Variants in KMT2B observed in about 807,000 individuals in gnomAD.
The protein encoded by KMT2B is lysine methyltransferase 2B.
A neutral mutation model predicts 255.3 loss-of-function variants in KMT2B; 22 were observed. That is an observed-to-expected ratio of 0.09 (90% confidence interval 0.06 to 0.12). The LOEUF is 0.12. KMT2B is among the 10% of genes least tolerant of loss of function. The pLI, the probability that KMT2B is intolerant of heterozygous loss-of-function variation, is 1.00. For synonymous variants in KMT2B, 1,730 were observed against 1,498.1 expected, an observed-to-expected ratio of 1.15 and a Z score of -3.57; for missense variants, 3,149 against 3,737.0, an observed-to-expected ratio of 0.84 and a Z score of 4.10.
rs373355746 is a variant in KMT2B, at chr19:35,732,272, C to G, written c.5723C>G (p.Ala1908Gly). ...IPTVGDPDFP[A>G]PPRRSRRPSP... ...ACAGTGGGAGACCCGGACTTCCCAG[C>G]TCCCCCCAGACGTTCCCGTCGTCCC... The change falls in exon 28 of 37, where the codon GCT (alanine) becomes GGT (glycine). Residue 1908 changes from alanine (A) to glycine (G), a missense_variant. Ala to Gly is a moderately conservative substitution (Grantham distance 60). This residue lies in a region of KMT2B where 897 missense variants were observed against 825.3 expected (regional missense o/e 1.09). Transcript: ENST00000420124. The G allele has an allele frequency of 2.3e-4, 375 of 1,609,352 alleles. 1 individual carries two copies. The highest frequency in any genetic ancestry group is 1.6e-4 in the Middle Eastern group (1 of 6,070).
chr19:35,723,865 C>G lies in KMT2B; in HGVS notation c.3192C>G (p.Pro1064=), dbSNP rs1969318291. 3 of 1,607,376 alleles carry G rather than the reference C, an allele frequency of 1.9e-6. No individual in the cohort carries two copies. Among genetic ancestry groups the G allele is most frequent in the South Asian group, 2.2e-5 (2 of 90,338 alleles). The change falls in exon 8 of 37, where the codon CCC becomes CCG. Residue 1064 remains proline, a synonymous_variant. Coordinates refer to ENST00000420124, the MANE Select transcript of KMT2B (RefSeq NM_014727.3). The surrounding 1 kb of genome is among the most constrained non-coding windows in gnomAD (Gnocchi z 7.5). ...PREEVVAHPG[P]EEQDSLLQRK... is the part of the protein sequence containing the mutation. The stretch of plus-strand genomic sequence containing the variant: ...AGGAGGTGGTGGCCCACCCAGGGCC[C>G]GAGGAGCAGGACTCCCTCCTGCAGC...
chr19:35,719,407 A>G, intron 1 of KMT2B, 62 bp from the exon 2 acceptor site: 1 of 1,214,270 alleles, frequency 8.2e-7, no homozygotes. Context: ...GATACCTCAG[A>G]TGGAACGAGG....
chr19:35,738,787 T>G lies in KMT2B; in HGVS notation c.*230T>G. The G allele has an allele frequency of 3.5e-6, 2 of 566,938 alleles. No individual in the cohort carries two copies. Among genetic ancestry groups the G allele is most frequent in the South Asian group, 2.5e-5 (1 of 40,018 alleles). 35.1% of individuals were successfully genotyped at this position (566,938 alleles called of 1,614,324 possible). Reference sequence around the variant, plus strand: ...CAGGATGTAGATATTGTACAAAGGTTTCTAAATCCCTTCTTTTCTATGCAC... The same window carrying G: ...CAGGATGTAGATATTGTACAAAGGTGTCTAAATCCCTTCTTTTCTATGCAC... On this transcript the variant is annotated 3_prime_UTR_variant, in exon 37 of 37. Coordinates refer to ENST00000420124, the MANE Select transcript of KMT2B (RefSeq NM_014727.3). This position sits in a 1 kb window ranked among gnomAD's most constrained non-coding sequence, Gnocchi z 8.7.
chr19:35,722,765 A>G (rs1243333232), intron 5 of KMT2B, 47 bp downstream of exon 5: 2 of 1,538,124 alleles, frequency 1.3e-6, no homozygotes, highest in Non-Finnish European at 1.7e-6. Flanking sequence ...GGATGACCCC[A>G]CACTTGGGTG....
In KMT2B at chr19:35,738,057, T is replaced by C; in HGVS notation, c.7743-5T>C. 1 of 1,613,870 alleles carries C rather than the reference T, an allele frequency of 6.2e-7. No individual in the cohort carries two copies. Among genetic ancestry groups the C allele is most frequent in the African/African-American group, 1.3e-5 (1 of 74,994 alleles). On this transcript the variant is annotated splice_region_variant and splice_polypyrimidine_tract_variant and intron_variant, in intron 35 of 36. Coordinates refer to ENST00000420124, the MANE Select transcript of KMT2B (RefSeq NM_014727.3). This position sits in a 1 kb window ranked among gnomAD's most constrained non-coding sequence, Gnocchi z 8.7. ...CCTGAGTTCCCTGTTCATCCTGCCCTGCAGATCAGCCATCCACGGGCGAGG... is the reference window on the plus strand; with the variant it reads ...CCTGAGTTCCCTGTTCATCCTGCCCCGCAGATCAGCCATCCACGGGCGAGG...
chr19:35,727,590 A>G lies in KMT2B; in HGVS notation c.4270A>G (p.Lys1424Glu). ...GGTGCTCCAGGGCCTGCTGAGCTCC[A>G]AGGTGGTGGGCCCACTGCTGCTCTG... The part of the protein sequence containing the change: ...RQVLQGLLSS[K>E]VVGPLLLCTQ... The change falls in exon 16 of 37, where the codon AAG becomes GAG. Residue 1424 changes from lysine (K) to glutamate (E), a missense_variant. Physicochemically the swap from Lys to Glu is moderately conservative, Grantham distance 56. This residue lies in a region of KMT2B where 377 missense variants were observed against 471.0 expected (regional missense o/e 0.80). Transcript: ENST00000420124. The surrounding 1 kb of genome is among the most constrained non-coding windows in gnomAD (Gnocchi z 4.2). 1 of 1,606,308 alleles carries G rather than the reference A, an allele frequency of 6.2e-7. No homozygotes were observed. Among genetic ancestry groups the G allele is most frequent in the Non-Finnish European group, 8.5e-7 (1 of 1,177,354 alleles).
rs1299261924 is a variant in KMT2B at position 35,718,042 on chromosome 19, C to T, written c.24C>T (p.Gly8=). ...AGATGGCGGCGGCGGCGGGCGGCGG[C>T]AGTTGCCCCGGGCCTGGCTCCGCGC... MAAAAGG[G]SCPGPGSARG... The change falls in exon 1 of 37, where the codon GGC becomes GGT. Residue 8 remains glycine (G), a synonymous_variant. Coordinates refer to ENST00000420124, the MANE Select transcript of KMT2B (RefSeq NM_014727.3). This position sits in a 1 kb window ranked among gnomAD's most constrained non-coding sequence, Gnocchi z 5.0. 4.2e-5 allele frequency: 41 copies of T among 985,788 alleles called. No homozygotes were observed. Among genetic ancestry groups the T allele is most frequent in the African/African-American group, 8.8e-5 (5 of 56,728 alleles). The allele number at this position is 985,788 out of a possible 1,614,324, so 61.1% of individuals were successfully genotyped here. A position where few individuals can be genotyped will look rare whatever the true frequency, so the allele number is the denominator to read the frequency against.
rs1351647631 is a variant in KMT2B, at chr19:35,733,178, C to G, written c.6629C>G (p.Pro2210Arg). 1 of 1,556,380 alleles carries G rather than the reference C, an allele frequency of 6.4e-7. No individual in the cohort carries two copies. Among genetic ancestry groups the G allele is most frequent in the East Asian group, 2.4e-5 (1 of 41,804 alleles). Residue 2210 changes from proline (P) to arginine (R), a missense_variant, in exon 28 of 37, where the codon CCT (proline) becomes CGT (arginine). Pro to Arg is a moderately radical substitution (Grantham distance 103). Transcript: ENST00000420124. This position sits in a 1 kb window ranked among gnomAD's most constrained non-coding sequence, Gnocchi z 4.3. ...GTGAAGATGGCTGGGGAGGGTGAAC[C>G]TGTCCCACCCCCAGTGAAGCAGCCA... ...VFVKMAGEGE[P>R]VPPPVKQPPL...
chr19:35,728,227 A>T, intron 19 of KMT2B, 56 bp downstream of exon 19: 1 of 1,463,202 alleles, frequency 6.8e-7, no homozygotes, highest in Non-Finnish European at 9.4e-7. Flanking sequence ...AGGCCAGGGC[A>T]TGCAGGGGCC....
chr19:35,721,228 T>G lies in KMT2B; in HGVS notation c.1881T>G (p.Pro627=), dbSNP rs886886263. ...ELPPPPPAPP[P]PPAPSPPPAP... ...CCCCTCCTCCCCCAGCCCCTCCACC[T>G]CCCCCGGCCCCCTCCCCACCCCCTG... Residue 627 remains proline, a synonymous_variant, in exon 3 of 37, where the codon CCT becomes CCG. Transcript: ENST00000420124. The G allele has an allele frequency of 1.1e-4, 22 of 195,596 alleles. No individual in the cohort carries two copies. The highest frequency in any genetic ancestry group is 1.5e-4 in the Non-Finnish European group (20 of 133,934). The allele number at this position is 195,596 out of a possible 1,614,324, so 12.1% of individuals were successfully genotyped here.
Position 35,733,313 on chromosome 19 carries a change from C to T in KMT2B, c.6764C>T (p.Pro2255Leu), listed in dbSNP as rs774855256. Reference sequence around the variant, plus strand: ...GGAGTGGTCCGCCCTGCCCCGCCCCCGCCACCCCCTCCCCTGACGCTGGTG... The same window carrying T: ...GGAGTGGTCCGCCCTGCCCCGCCCCTGCCACCCCCTCCCCTGACGCTGGTG... ...VVGVVRPAPP[P>L]PPPPLTLVLS... Residue 2255 changes from proline to leucine, a missense_variant, in exon 28 of 37, where the codon CCG (proline) becomes CTG (leucine). Transcript: ENST00000420124. The surrounding 1 kb of genome is among the most constrained non-coding windows in gnomAD (Gnocchi z 4.3). 131 of 1,466,448 alleles carry T rather than the reference C, an allele frequency of 8.9e-5. No homozygotes were observed. The highest frequency in any genetic ancestry group is 1.2e-4 in the Non-Finnish European group (124 of 1,074,592). The allele number at this position is 1,466,448 out of a possible 1,614,324, so 90.8% of individuals were successfully genotyped here. A position where few individuals can be genotyped will look rare whatever the true frequency, so the allele number is the denominator to read the frequency against.
In KMT2B at chr19:35,732,920, C is replaced by T. The variant is rs1391834825; in HGVS notation, c.6371C>T (p.Pro2124Leu). The T allele has an allele frequency of 6.2e-7, 1 of 1,609,014 alleles. No individual in the cohort carries two copies. ...VDFVLKNLGG[P>L]GDGGAGPREE... ...TTTGTGTTGAAGAACCTAGGGGGTCCTGGGGATGGAGGTGCTGGCCCTAGA... is the reference window on the plus strand; with the variant it reads ...TTTGTGTTGAAGAACCTAGGGGGTCTTGGGGATGGAGGTGCTGGCCCTAGA... Residue 2124 changes from proline to leucine, a missense_variant, in exon 28 of 37, where the codon CCT (proline) becomes CTT (leucine). Around this residue, in one of 18 missense-constraint regions of KMT2B, gnomAD observed 897 missense variants for 825.3 expected, o/e 1.09. Coordinates refer to ENST00000420124, the MANE Select transcript of KMT2B (RefSeq NM_014727.3).
intron 30 of KMT2B, chr19:35,736,431 A>C: frequency 2.0e-6 from 1 of 493,076 alleles, no homozygotes; most frequent in Non-Finnish European, 3.7e-6. Context: ...CTGAAGAGCC[A>C]AAAGGCCCCA....
chr19:35,729,435 G>A (rs543047931), intron 22 of KMT2B, 139 bp downstream of exon 22: 6 of 1,196,548 alleles, frequency 5.0e-6, no homozygotes, highest in Admixed American at 4.6e-5. Flanking sequence ...GCCCTGGGAC[G>A]TTGGTGCTGA....
At position 35,728,001 on chromosome 19, in the gene KMT2B, G is replaced by A; in HGVS notation, c.4497+16G>A. On this transcript the variant is annotated intron_variant, in intron 18 of 36. Coordinates refer to ENST00000420124, the MANE Select transcript of KMT2B (RefSeq NM_014727.3). ...CCTGCTGAAGGTGAGCTCTTCCGGG[G>A]ATGCTTGTGGGGTGGGGGAGTGGGA... The A allele has an allele frequency of 6.4e-7, 1 of 1,551,290 alleles. No homozygotes were observed. The highest frequency in any genetic ancestry group is 8.7e-7 in the Non-Finnish European group (1 of 1,145,256).
chr19:35,721,210 T>TGCC lies in KMT2B; in HGVS notation c.1863_1864insGCC (p.Pro621_Pro622insAla). The TGCC allele has an allele frequency of 1.2e-6, 1 of 810,688 alleles. No homozygotes were observed. The highest frequency in any genetic ancestry group is 1.6e-6 in the Non-Finnish European group (1 of 624,110). 50.2% of individuals were successfully genotyped at this position (810,688 alleles called of 1,614,324 possible). A position where few individuals can be genotyped will look rare whatever the true frequency, so the allele number is the denominator to read the frequency against. On this transcript the variant is annotated inframe_insertion, in exon 3 of 37. Transcript: ENST00000420124. The stretch of plus-strand genomic sequence containing the variant: ...CACTGACCCGGGAGCTGCCCCCTCC[T>TGCC]CCCCCAGCCCCTCCACCTCCCCCGG...
Position 35,731,122 on chromosome 19 carries a change from T to C in KMT2B, c.5437+255T>C, listed in dbSNP as rs4806198. 0.15 allele frequency among the ~76,000 whole-genome samples: 23,075 copies of C among 151,862 alleles called. 1,882 individuals carry two copies. Among genetic ancestry groups the C allele is most frequent in the South Asian group, 0.28 (1,338 of 4,818 alleles). On this transcript the variant is annotated intron_variant, in intron 26 of 36. Coordinates refer to ENST00000420124, the MANE Select transcript of KMT2B (RefSeq NM_014727.3). ...CTGGCTTTTGGACGACTGCAGGGAGTAGAGTGCTTACAGCTCCCTAACTTG... is the reference window on the plus strand; with the variant it reads ...CTGGCTTTTGGACGACTGCAGGGAGCAGAGTGCTTACAGCTCCCTAACTTG...
At position 35,738,404 on chromosome 19, in the gene KMT2B, C is replaced by T. The variant is rs753604531; in HGVS notation, c.7995C>T (p.His2665=). The change falls in exon 37 of 37, where the codon CAC becomes CAT. Residue 2665 remains histidine (H), a synonymous_variant. Transcript: ENST00000420124. The surrounding 1 kb of genome is among the most constrained non-coding windows in gnomAD (Gnocchi z 8.7). ...CCAACTGCTTCTCTCGGGTCATCCA[C>T]GTGGAGGGCCAGAAACACATTGTTA... ...CEPNCFSRVI[H]VEGQKHIVIF... The T allele has an allele frequency of 5.6e-6, 9 of 1,614,022 alleles. No homozygotes were observed. Among genetic ancestry groups the T allele is most frequent in the Admixed American group, 1.7e-5 (1 of 59,996 alleles).
At chr19:35,719,729 T>C in intron 2 of KMT2B, 55 bp from the exon 3 acceptor site, 1 of 1,535,448 alleles carries the variant, frequency 6.5e-7, no homozygotes, top group Middle Eastern at 1.8e-4. Flanking sequence ...TGGAGCGCCT[T>C]CCTCTGTGTG....
Sources: allele counts gnomAD v4.1 joint callset (sites outside exome capture counted in the v4.1 genomes callset), GRCh38; gene constraint gnomAD v4.1.1; regional missense constraint gnomAD v4.1.1; non-coding constraint Gnocchi (gnomAD v3.1); transcripts MANE v1.5; gene names NCBI Gene and HGNC (gene_info 2026-07-23, HGNC 2026-07-21).